Variants in PPP1R42 observed in about 807,000 individuals in gnomAD.
PPP1R42 encodes protein phosphatase 1 regulatory subunit 42.
PPP1R42 carries 34 observed loss-of-function variants against 31.0 expected under a neutral mutation model. The ratio of observed to expected loss-of-function variants is 1.10; its 90% confidence interval spans 0.83 to 1.46. The LOEUF (loss-of-function observed/expected upper bound fraction) is 1.46, where lower values mean the gene tolerates loss of function less well. Among genes scored for constraint, PPP1R42 ranks in the 40% most tolerant of loss-of-function variants. The probability of loss-of-function intolerance (pLI) is 0.00; values close to 1 mark genes in which losing one functional copy is unlikely to be tolerated. For synonymous variants in PPP1R42, 103 were observed against 109.8 expected, an observed-to-expected ratio of 0.94 and a Z score of 0.39; for missense variants, 268 against 303.0, an observed-to-expected ratio of 0.88 and a Z score of 0.86.
At chr8:67,021,654 AC>A (rs1816221425) in intron 1 of PPP1R42, among the ~76,000 whole-genome samples, 1 of 151,962 alleles carries the variant, frequency 6.6e-6, no homozygotes. Flanking sequence ...TACATTTGAA[AC>A]CCCTCTATAC....
rs1175908033 is a variant in PPP1R42 at position 66,997,422 on chromosome 8, C to T, written c.553-8905G>A. Reference sequence around the variant, plus strand: ...TTATGAGATCCTCTCACCTCAGCCTCCTGAGTAGCTGGGACCACAGGCATG... The same window carrying T: ...TTATGAGATCCTCTCACCTCAGCCTTCTGAGTAGCTGGGACCACAGGCATG... On this transcript the variant is annotated intron_variant, in intron 5 of 7. Transcript: ENST00000685739. Among the ~76,000 whole-genome samples, 4 of 151,754 alleles carry T rather than the reference C, an allele frequency of 2.6e-5. No individual in the cohort carries two copies. In the East Asian group the frequency reaches 7.8e-4, roughly 29 times the overall value.
intron 7 of PPP1R42, among the ~76,000 whole-genome samples, chr8:66,967,890 G>A (rs768488660): frequency 4.0e-5 from 6 of 150,782 alleles, no homozygotes; most frequent in Non-Finnish European, 7.4e-5. Flanking sequence ...TTCATTGTAT[G>A]GTGCTACACA....
intron 6 of PPP1R42, among the ~76,000 whole-genome samples, chr8:66,987,726 C>G (rs982143038): frequency 6.6e-6 from 1 of 152,166 alleles, no homozygotes. Flanking sequence ...TTTGCTTCCA[C>G]TCATGCTAAG....
chr8:66,987,330 C>T (rs1320181900), intron 6 of PPP1R42, among the ~76,000 whole-genome samples: 1 of 132,990 alleles, frequency 7.5e-6, no homozygotes, highest in Non-Finnish European at 1.5e-5. Flanking sequence ...CTCACTTCGT[C>T]ACCCAGGCTG....
At chr8:66,995,263 A>G (rs1399599661) in intron 5 of PPP1R42, among the ~76,000 whole-genome samples, 1 of 152,244 alleles carries the variant, frequency 6.6e-6, no homozygotes, top group African/African-American at 2.4e-5. Flanking sequence ...CTAAGCCTTC[A>G]GAAGATTATT....
At chr8:66,996,140 TC>T (rs1815326087) in intron 5 of PPP1R42, among the ~76,000 whole-genome samples, 1 of 152,146 alleles carries the variant, frequency 6.6e-6, no homozygotes, top group South Asian at 2.1e-4. Flanking sequence ...AGCTTTGACC[TC>T]CCAGGCTCAA....
chr8:67,012,108 C>T (rs1306077998), intron 4 of PPP1R42, among the ~76,000 whole-genome samples: 2 of 152,084 alleles, frequency 1.3e-5, no homozygotes, highest in Non-Finnish European at 2.9e-5. Flanking sequence ...TGGTGGCGCA[C>T]GCCTGTAGTC....
chr8:66,997,929 A>G (rs1396096169), intron 5 of PPP1R42, among the ~76,000 whole-genome samples: 1 of 152,194 alleles, frequency 6.6e-6, no homozygotes, highest in Non-Finnish European at 1.5e-5. Flanking sequence ...AGAGAAAAGA[A>G]TCTGAGATCT....
In PPP1R42 at chr8:66,982,190, A is replaced by C. The variant is rs1814861796; in HGVS notation, c.671-10T>G. The C allele has an allele frequency of 7.5e-7, 1 of 1,327,136 alleles. No individual in the cohort carries two copies. The highest frequency in any genetic ancestry group is 1.7e-5 in the South Asian group (1 of 59,648). 82.2% of individuals were successfully genotyped at this position (1,327,136 alleles called of 1,614,324 possible). On this transcript the variant is annotated splice_polypyrimidine_tract_variant and intron_variant, in intron 6 of 7. Coordinates refer to ENST00000685739, the MANE Select transcript of PPP1R42 (RefSeq NM_001364910.1). ...TTTCCATCAAGAAATTCTGGAGAAA[A>C]ATACATACATTTAAAAAATACAATA...
intron 5 of PPP1R42, among the ~76,000 whole-genome samples, chr8:66,997,524 G>A (rs1424396950): frequency 1.3e-5 from 2 of 149,368 alleles, no homozygotes; most frequent in Non-Finnish European, 3.0e-5. Context: ...GATTACAGAT[G>A]TGAGCCACTG....
intron 5 of PPP1R42, among the ~76,000 whole-genome samples, chr8:66,994,762 G>T (rs897824957): frequency 8.5e-5 from 13 of 152,162 alleles, no homozygotes; most frequent in African/African-American, 2.9e-4. Context: ...TGTGACTAAG[G>T]TTCCTTTTAA....
At chr8:66,986,496 C>T (rs1815020887) in intron 6 of PPP1R42, among the ~76,000 whole-genome samples, 1 of 152,218 alleles carries the variant, frequency 6.6e-6, no homozygotes. Flanking sequence ...ACGGCAGCTG[C>T]CACGCCGCTG....
intron 5 of PPP1R42, among the ~76,000 whole-genome samples, chr8:67,006,925 A>G (rs1203779788): frequency 4.7e-5 from 7 of 149,924 alleles, no homozygotes; most frequent in African/African-American, 1.7e-4. Context: ...TTGTATTTTT[A>G]GTAGAGATGG....
chr8:67,003,180 A>G (rs944611472), intron 5 of PPP1R42, among the ~76,000 whole-genome samples: 4 of 150,754 alleles, frequency 2.7e-5, no homozygotes, highest in African/African-American at 9.7e-5. Context: ...AAAAAAAAAA[A>G]AAAAAAGAAA....
chr8:66,973,259 T>C (rs1046739947), intron 7 of PPP1R42, among the ~76,000 whole-genome samples: 11 of 150,710 alleles, frequency 7.3e-5, no homozygotes, highest in Non-Finnish European at 1.6e-4. Flanking sequence ...CAAAACTATT[T>C]AACATGAGAT....
chr8:67,011,393 GCCA>G (rs1815840014), intron 4 of PPP1R42, among the ~76,000 whole-genome samples: 1 of 152,188 alleles, frequency 6.6e-6, no homozygotes, highest in Non-Finnish European at 1.5e-5. Context: ...TGGGCATGGT[GCCA>G]CACGCCTGTA....
rs1021765425 is a variant in PPP1R42, at chr8:67,021,959, TC to T, written c.-84-4129del. 1.3e-3 allele frequency among the ~76,000 whole-genome samples: 189 copies of T among 142,294 alleles called. 1 individual carries two copies. The highest frequency in any genetic ancestry group is 5.2e-3 in the African/African-American group (184 of 35,492). 93.4% of individuals were successfully genotyped at this position (142,294 alleles called of 152,430 possible). A position where few individuals can be genotyped will look rare whatever the true frequency, so the allele number is the denominator to read the frequency against. ...TCCTAATGATTGATCTTTGAGTATT[TC>T]TTTTTTTTCACTTTTACAATGTTGC... On this transcript the variant is annotated intron_variant, in intron 1 of 7. Transcript: ENST00000685739.
chr8:67,011,300 C>T (rs759311696), intron 4 of PPP1R42, among the ~76,000 whole-genome samples: 5 of 152,058 alleles, frequency 3.3e-5, no homozygotes, highest in African/African-American at 9.7e-5. Flanking sequence ...GTGAAGCGGG[C>T]GGATCACTCG....
At chr8:66,978,030 A>G (rs546078776) in intron 7 of PPP1R42, among the ~76,000 whole-genome samples, 13 of 152,290 alleles carry the variant, frequency 8.5e-5, no homozygotes, top group African/African-American at 3.1e-4. Flanking sequence ...AACAGTGTAT[A>G]AGAGAGCTCC....
Sources: gnomAD v4.1 joint callset for allele counts (sites outside exome capture counted in the v4.1 genomes callset) on GRCh38, gnomAD v4.1.1 for gene constraint, MANE v1.5 for transcripts, NCBI Gene and HGNC (gene_info 2026-07-23, HGNC 2026-07-21) for gene names.